The following KCNAB1 variants were observed in gnomAD, a reference collection of about 807,000 sequenced individuals.
KCNAB1 encodes the protein voltage-gated potassium channel subunit beta-1.
A neutral mutation model predicts 64.6 loss-of-function variants in KCNAB1; 35 were observed. That is an observed-to-expected ratio of 0.54 (90% CI 0.41 to 0.72). KCNAB1 has a LOEUF of 0.72. Ranked by LOEUF, KCNAB1 falls within the 30% of genes least tolerant of loss-of-function variation. The pLI is 0.00. For synonymous variants in KCNAB1, 177 were observed against 183.8 expected (o/e 0.96, Z 0.30); for missense variants, 401 against 512.9 (o/e 0.78, Z 2.11).
intron 1 of KCNAB1, among the ~76,000 whole-genome samples, chr3:156,351,979 C>A (rs2108086602): frequency 6.6e-6 from 1 of 152,332 alleles, no homozygotes; most frequent in Non-Finnish European, 1.5e-5. Flanking sequence ...TCTCTCAGGG[C>A]ATGTTCTGAA....
At chr3:156,323,302 A>G (rs1409977943) in intron 1 of KCNAB1, among the ~76,000 whole-genome samples, 2 of 152,168 alleles carry the variant, frequency 1.3e-5, no homozygotes, top group Admixed American at 1.3e-4. Context: ...TCCTTTGAAA[A>G]AGCATAAAAC....
chr3:156,156,178 G>A (rs962489648), intron 1 of KCNAB1, among the ~76,000 whole-genome samples: 54 of 152,136 alleles, frequency 3.5e-4, no homozygotes, highest in African/African-American at 1.2e-3. Flanking sequence ...CATTTTTATT[G>A]GGTAGGGCAT....
At chr3:156,290,909 A>C in intron 1 of KCNAB1, 1 of 943,448 alleles carries the variant, frequency 1.1e-6, no homozygotes, top group Non-Finnish European at 1.3e-6. Flanking sequence ...TTGCAGAGAG[A>C]AAAGGAACTC....
chr3:156,503,144 G>C (rs1429301454), intron 8 of KCNAB1, among the ~76,000 whole-genome samples: 1 of 152,164 alleles, frequency 6.6e-6, no homozygotes, highest in Non-Finnish European at 1.5e-5. Flanking sequence ...ACAGCAAACT[G>C]ATTACTTGGA....
At chr3:156,133,911 T>G (rs961208096) in intron 1 of KCNAB1, among the ~76,000 whole-genome samples, 154 of 142,352 alleles carry the variant, frequency 1.1e-3, no homozygotes, top group Non-Finnish European at 2.1e-3. Context: ...TTGACTTTTG[T>G]TTTTTTTTTT....
chr3:156,137,581 C>G (rs1425017384), intron 1 of KCNAB1, among the ~76,000 whole-genome samples: 1 of 150,026 alleles, frequency 6.7e-6, no homozygotes, highest in Non-Finnish European at 1.5e-5. Context: ...CAGAGTTTTG[C>G]TCTATCACCC....
intron 1 of KCNAB1, among the ~76,000 whole-genome samples, chr3:156,402,652 T>C (rs1378771932): frequency 6.6e-6 from 1 of 152,214 alleles, no homozygotes; most frequent in Non-Finnish European, 1.5e-5. Context: ...GTAAGATCAA[T>C]AGAGACTACA....
chr3:156,460,191 G>A (rs1387443073), intron 5 of KCNAB1: 1 of 259,910 alleles, frequency 3.8e-6, no homozygotes, highest in African/African-American at 2.2e-5. Flanking sequence ...CTTGCAGGAA[G>A]TAACTTGACA....
intron 1 of KCNAB1, among the ~76,000 whole-genome samples, chr3:156,421,054 A>G (rs185565617): frequency 6.6e-6 from 1 of 150,930 alleles, no homozygotes; most frequent in South Asian, 2.1e-4. Flanking sequence ...ATAGTTTTAT[A>G]TTTGTTATTT....
intron 1 of KCNAB1, among the ~76,000 whole-genome samples, chr3:156,263,462 C>T (rs992586236): frequency 1.3e-5 from 2 of 151,984 alleles, no homozygotes; most frequent in Admixed American, 6.6e-5. Context: ...AGATTTCTAA[C>T]TTAATTTCAT....
chr3:156,246,127 C>T (rs1282721071), intron 1 of KCNAB1, among the ~76,000 whole-genome samples: 2 of 152,242 alleles, frequency 1.3e-5, no homozygotes, highest in African/African-American at 4.8e-5. Flanking sequence ...TAATATGTAG[C>T]GTTCCTGAAT....
At chr3:156,502,046 G>A (rs1237871217) in intron 8 of KCNAB1, among the ~76,000 whole-genome samples, 1 of 152,118 alleles carries the variant, frequency 6.6e-6, no homozygotes, top group African/African-American at 2.4e-5. Flanking sequence ...CGCAACATGT[G>A]GGAATTCTGG....
intron 1 of KCNAB1, among the ~76,000 whole-genome samples, chr3:156,272,911 C>T (rs1470207255): frequency 6.6e-6 from 1 of 151,994 alleles, no homozygotes; most frequent in East Asian, 1.9e-4. Context: ...TTCAAGGACT[C>T]TAGTCAGCAG....
At chr3:156,305,153 C>T (rs952709512) in intron 1 of KCNAB1, among the ~76,000 whole-genome samples, 41 of 151,954 alleles carry the variant, frequency 2.7e-4, no homozygotes, top group Admixed American at 2.2e-3. Context: ...CGACCATATA[C>T]CTGAAGTACC....
At chr3:156,379,565 T>G (rs570923410) in intron 1 of KCNAB1, among the ~76,000 whole-genome samples, 119 of 152,210 alleles carry the variant, frequency 7.8e-4, no homozygotes, top group African/African-American at 2.7e-3. Flanking sequence ...TGCAAATGTC[T>G]GCAGCAGGAG....
chr3:156,500,488 G>C (rs1467034122), intron 8 of KCNAB1, among the ~76,000 whole-genome samples: 2 of 151,954 alleles, frequency 1.3e-5, no homozygotes, highest in Non-Finnish European at 2.9e-5. Flanking sequence ...TTCTCAGTAA[G>C]AAATACTGCA....
At chr3:156,435,427 C>G (rs138438176) in intron 2 of KCNAB1, among the ~76,000 whole-genome samples, 1 of 152,278 alleles carries the variant, frequency 6.6e-6, no homozygotes, top group African/African-American at 2.4e-5. Context: ...CTGTGTCAGT[C>G]TCTATAGTTT....
At chr3:156,266,295 GC>G (rs1268280791) in intron 1 of KCNAB1, among the ~76,000 whole-genome samples, 1 of 152,264 alleles carries the variant, frequency 6.6e-6, no homozygotes, top group East Asian at 1.9e-4. Context: ...AGAGGGAAGG[GC>G]AAAGAATAAA....
intron 1 of KCNAB1, among the ~76,000 whole-genome samples, chr3:156,302,724 C>T (rs148015206): frequency 1.6e-3 from 244 of 152,270 alleles, no homozygotes; most frequent in Admixed American, 2.9e-3. Flanking sequence ...CTAACACCTA[C>T]GAGGAGTATC....
Sources: gnomAD v4.1 joint callset for allele counts (sites outside exome capture counted in the v4.1 genomes callset) on GRCh38, gnomAD v4.1.1 for gene constraint, MANE v1.5 for transcripts, NCBI Gene and HGNC (gene_info 2026-07-23, HGNC 2026-07-21) for gene names.